Variants in ESRRG observed in about 807,000 individuals in gnomAD.
ESRRG encodes the protein estrogen-related receptor gamma.
In ESRRG, 13 loss-of-function variants were observed where a neutral mutation model predicts 44.0. That is an observed-to-expected ratio of 0.30 (90% CI 0.19 to 0.47). The LOEUF (loss-of-function observed/expected upper bound fraction) is 0.47. ESRRG is among the 20% of genes least tolerant of loss of function. The pLI is 1.00. For missense variants in ESRRG, 395 were observed against 580.6 expected (o/e 0.68, Z 3.29); for synonymous variants, 215 against 214.6 (o/e 1.00, Z -0.02).
chr1:217,116,688 T>A (rs993373875), intron 1 of ESRRG, among the ~76,000 whole-genome samples: 10 of 152,196 alleles, frequency 6.6e-5, no homozygotes, highest in Non-Finnish European at 1.0e-4. Flanking sequence ...GCTTCCTACT[T>A]ACAAAGACAG....
At chr1:216,666,193 C>T (rs555703332) in intron 2 of ESRRG, among the ~76,000 whole-genome samples, 1 of 152,200 alleles carries the variant, frequency 6.6e-6, no homozygotes, top group East Asian at 1.9e-4. Context: ...AACTAGTTAC[C>T]AAGCAAAAGT....
At chr1:217,111,275 CCT>C (rs2092658919) in intron 1 of ESRRG, among the ~76,000 whole-genome samples, 1 of 152,138 alleles carries the variant, frequency 6.6e-6, no homozygotes. Flanking sequence ...GCTCACCACA[CCT>C]CTCTCACACA....
At chr1:216,584,721 C>G (rs894344712) in intron 3 of ESRRG, among the ~76,000 whole-genome samples, 1 of 152,118 alleles carries the variant, frequency 6.6e-6, no homozygotes, top group African/African-American at 2.4e-5. Context: ...TCTACATGTA[C>G]TTTACTTGCT....
intron 2 of ESRRG, among the ~76,000 whole-genome samples, chr1:216,750,697 C>A (rs1226000906): frequency 1.3e-5 from 2 of 151,976 alleles, no homozygotes; most frequent in African/African-American, 4.8e-5. Context: ...TTGATAGGCA[C>A]CAGGCCACCA....
At chr1:216,542,573 A>AT (rs2053221688) in intron 5 of ESRRG, among the ~76,000 whole-genome samples, 1 of 151,996 alleles carries the variant, frequency 6.6e-6, no homozygotes, top group Non-Finnish European at 1.5e-5. Context: ...GAAAACTATT[A>AT]TTTTGTAGCA....
At chr1:216,600,833 T>C (rs1286862364) in intron 3 of ESRRG, among the ~76,000 whole-genome samples, 1 of 152,222 alleles carries the variant, frequency 6.6e-6, no homozygotes, top group Non-Finnish European at 1.5e-5. Flanking sequence ...CAATGCAGAA[T>C]GATCAGCCTC....
intron 2 of ESRRG, among the ~76,000 whole-genome samples, chr1:216,750,700 G>C (rs2091919854): frequency 6.6e-6 from 1 of 151,812 alleles, no homozygotes; most frequent in African/African-American, 2.4e-5. Context: ...ATAGGCACCA[G>C]GCCACCACCC....
chr1:216,991,617 AGGATGGGATGGGATG>A (rs59213834), intron 1 of ESRRG, among the ~76,000 whole-genome samples: 12,661 of 59,282 alleles, frequency 0.21, 1,462 homozygotes, highest in East Asian at 0.43. Flanking sequence ...GGGATGGGAT[AGGATGGGATGGGATG>A]GGATGGGATG....
intron 3 of ESRRG, among the ~76,000 whole-genome samples, chr1:216,622,608 T>TCACACACACACACACA (rs769882782): frequency 7.3e-6 from 1 of 136,848 alleles, no homozygotes; most frequent in Non-Finnish European, 1.6e-5. Context: ...CAAATGAAAA[T>TCACACACACACACACA]TACACACACG....
intron 1 of ESRRG, among the ~76,000 whole-genome samples, chr1:216,708,333 G>C (rs2151943754): frequency 6.6e-6 from 1 of 152,220 alleles, no homozygotes; most frequent in Non-Finnish European, 1.5e-5. Context: ...TACTGAAAGA[G>C]AATTATAAAC....
At chr1:216,918,996 A>G (rs929096770) in intron 2 of ESRRG, among the ~76,000 whole-genome samples, 20 of 151,964 alleles carry the variant, frequency 1.3e-4, no homozygotes, top group African/African-American at 4.6e-4. Flanking sequence ...ACTTTTATAA[A>G]CTACAAAAAA....
intron 1 of ESRRG, among the ~76,000 whole-genome samples, chr1:217,066,687 G>A (rs1341990000): frequency 6.6e-6 from 1 of 152,190 alleles, no homozygotes; most frequent in Non-Finnish European, 1.5e-5. Flanking sequence ...TTTGGGGCTG[G>A]ACAATTCTTT....
chr1:217,110,052 T>C (rs1221349698), intron 1 of ESRRG, among the ~76,000 whole-genome samples: 1 of 152,106 alleles, frequency 6.6e-6, no homozygotes, highest in Non-Finnish European at 1.5e-5. Flanking sequence ...TTTCCTAAAG[T>C]CCATGTGTCA....
At chr1:216,776,445 A>G (rs2093618513) in intron 2 of ESRRG, among the ~76,000 whole-genome samples, 1 of 152,012 alleles carries the variant, frequency 6.6e-6, no homozygotes, top group South Asian at 2.1e-4. Context: ...TCTAGCACTT[A>G]CCACACTATC....
chr1:216,840,862 A>G (rs2095641721), intron 2 of ESRRG, among the ~76,000 whole-genome samples: 2 of 152,190 alleles, frequency 1.3e-5, no homozygotes, highest in Admixed American at 6.5e-5. Context: ...CAAAATAAGC[A>G]CAATAATAAC....
intron 6 of ESRRG, among the ~76,000 whole-genome samples, chr1:216,516,668 C>CACAGAGAGAGAGAG (rs376701865): frequency 1.5e-4 from 20 of 137,162 alleles, no homozygotes; most frequent in African/African-American, 5.3e-4. Context: ...CACACACACA[C>CACAGAGAGAGAGAG]AGAGAGAGAG....
In ESRRG at chr1:216,698,901, T is replaced by G. The variant is rs188451523; in HGVS notation, c.57-21410A>C. 2.0e-4 allele frequency among the ~76,000 whole-genome samples: 30 copies of G among 152,302 alleles called. No homozygotes were observed. The East Asian group carries it at 5.8e-3, about 29-fold the overall frequency. ...ACTTTCATCCTAGCCTACGCCCACA[T>G]GTACATATTTCTCTCCACTCTCCAA... is the stretch of plus-strand genomic sequence containing the variant. On this transcript the variant is annotated intron_variant, in intron 1 of 6. Coordinates refer to ENST00000408911, the MANE Select transcript of ESRRG (RefSeq NM_001438.4).
At chr1:216,626,656 C>T (rs2063241333) in intron 3 of ESRRG, among the ~76,000 whole-genome samples, 2 of 152,208 alleles carry the variant, frequency 1.3e-5, no homozygotes, top group African/African-American at 4.8e-5. Flanking sequence ...ACATTTGGTG[C>T]ATTCCTCTGT....
At chr1:216,705,518 G>T (rs2082280806) in intron 1 of ESRRG, among the ~76,000 whole-genome samples, 1 of 152,116 alleles carries the variant, frequency 6.6e-6, no homozygotes, top group African/African-American at 2.4e-5. Flanking sequence ...AAGTCCCAAA[G>T]ATTCCCTACC....
Sources: gnomAD v4.1 joint callset for allele counts (sites outside exome capture counted in the v4.1 genomes callset) on GRCh38, gnomAD v4.1.1 for gene constraint, MANE v1.5 for transcripts, NCBI Gene and HGNC (gene_info 2026-07-23, HGNC 2026-07-21) for gene names.